Variants in GALNTL6 observed in about 807,000 individuals in gnomAD.
The protein encoded by GALNTL6 is polypeptide N-acetylgalactosaminyltransferase-like 6.
A neutral mutation model predicts 73.7 loss-of-function variants in GALNTL6; 46 were observed. The observed-to-expected ratio is 0.62, with a 90% confidence interval of 0.49 to 0.80. GALNTL6 has a LOEUF of 0.80. Ranked by LOEUF, GALNTL6 falls within the 30% of genes least tolerant of loss-of-function variation. GALNTL6 has a pLI of 0.00. For synonymous variants in GALNTL6, 259 were observed against 263.7 expected, an observed-to-expected ratio of 0.98 and a Z score of 0.17; for missense variants, 604 against 755.0, an observed-to-expected ratio of 0.80 and a Z score of 2.34.
chr4:172,451,899 TGCTC>T (rs1368804083), intron 5 of GALNTL6, among the ~76,000 whole-genome samples: 2 of 152,122 alleles, frequency 1.3e-5, no homozygotes, highest in Non-Finnish European at 2.9e-5. Context: ...TAGTCCTAGC[TGCTC>T]GAGAGGCTGA....
intron 5 of GALNTL6, among the ~76,000 whole-genome samples, chr4:172,646,272 T>G (rs1400534144): frequency 6.6e-6 from 1 of 152,070 alleles, no homozygotes; most frequent in Non-Finnish European, 1.5e-5. Flanking sequence ...TGGCATTGTA[T>G]TAAATCTATA....
At chr4:172,833,650 C>A (rs1346883258) in intron 7 of GALNTL6, among the ~76,000 whole-genome samples, 2 of 152,212 alleles carry the variant, frequency 1.3e-5, no homozygotes, top group Non-Finnish European at 2.9e-5. Flanking sequence ...TTATCATTCT[C>A]TCCTGAAGTA....
intron 5 of GALNTL6, among the ~76,000 whole-genome samples, chr4:172,439,172 T>TCACACACACA (rs57281407): frequency 5.9e-4 from 86 of 145,728 alleles, no homozygotes; most frequent in African/African-American, 2.0e-3. Context: ...TCTCTCCCCT[T>TCACACACACA]CACACACACA....
At chr4:172,603,911 T>A (rs1357074361) in intron 5 of GALNTL6, among the ~76,000 whole-genome samples, 1 of 152,194 alleles carries the variant, frequency 6.6e-6, no homozygotes, top group Non-Finnish European at 1.5e-5. Context: ...TTGCACCAGC[T>A]AGTTTTTCTG....
intron 5 of GALNTL6, among the ~76,000 whole-genome samples, chr4:172,752,801 G>A (rs1197388628): frequency 6.6e-6 from 1 of 151,912 alleles, no homozygotes; most frequent in Admixed American, 6.6e-5. Context: ...GAAACTCTAT[G>A]AACTATGAAA....
chr4:172,563,092 A>G (rs951142705), intron 5 of GALNTL6, among the ~76,000 whole-genome samples: 14 of 152,220 alleles, frequency 9.2e-5, no homozygotes, highest in African/African-American at 2.4e-5. Context: ...AGGTTGCTCA[A>G]GTGTTTTAAT....
intron 2 of GALNTL6, among the ~76,000 whole-genome samples, chr4:171,959,133 G>A (rs1235640019): frequency 1.3e-5 from 2 of 152,104 alleles, no homozygotes; most frequent in Non-Finnish European, 2.9e-5. Context: ...ATAGTTGACG[G>A]CTTGTTACGT....
intron 5 of GALNTL6, among the ~76,000 whole-genome samples, chr4:172,525,371 G>A (rs769462382): frequency 9.9e-5 from 15 of 152,134 alleles, no homozygotes; most frequent in African/African-American, 2.6e-4. Flanking sequence ...TGCTTATATC[G>A]TCTTTATCTT....
rs941426742 is a variant in GALNTL6, at chr4:172,485,615, G to A, written c.553+136926G>A. ...TTAATTAATCAAATATTTATTATGT[G>A]CCTGCTGTGTCTGTGAAAATTAACC... On this transcript the variant is annotated intron_variant, in intron 5 of 12. Coordinates refer to ENST00000506823, the MANE Select transcript of GALNTL6 (RefSeq NM_001034845.3). Among the ~76,000 whole-genome samples, 5 of 152,044 alleles carry A rather than the reference G, an allele frequency of 3.3e-5. No homozygotes were observed. The East Asian group carries it at 7.7e-4, about 24-fold the overall frequency.
chr4:172,938,453 T>C (rs912182949), intron 9 of GALNTL6, among the ~76,000 whole-genome samples: 5 of 152,232 alleles, frequency 3.3e-5, no homozygotes, highest in African/African-American at 2.4e-5. Flanking sequence ...CGCCCTTGTT[T>C]ATGTCAGAAA....
chr4:172,679,204 G>A lies in GALNTL6; in HGVS notation c.554-130157G>A, dbSNP rs1361224632. ...AGGTGGGCAGATCGCCTGAGGCCAG[G>A]AGTTCAAAACCAGCCTGGCCAACAT... On this transcript the variant is annotated intron_variant, in intron 5 of 12. Transcript: ENST00000506823. Among the ~76,000 whole-genome samples, 7 of 152,174 alleles carry A rather than the reference G, an allele frequency of 4.6e-5. No homozygotes were observed. The East Asian group carries it at 1.3e-3, about 29-fold the overall frequency.
chr4:172,864,611 A>G (rs1327733847), intron 7 of GALNTL6, among the ~76,000 whole-genome samples: 4 of 152,192 alleles, frequency 2.6e-5, no homozygotes, highest in African/African-American at 7.2e-5. Context: ...CACTTATAAT[A>G]TACAGTCATC....
intron 2 of GALNTL6, among the ~76,000 whole-genome samples, chr4:171,975,132 T>C (rs1739681141): frequency 6.6e-6 from 1 of 152,212 alleles, no homozygotes; most frequent in South Asian, 2.1e-4. Context: ...AGCACTTTGC[T>C]AAGTATTGGG....
chr4:173,003,881 C>T (rs1249789276), intron 10 of GALNTL6, among the ~76,000 whole-genome samples: 1 of 152,190 alleles, frequency 6.6e-6, no homozygotes, highest in Non-Finnish European at 1.5e-5. Context: ...CTTCAGGTCT[C>T]ACTTAGCATT....
chr4:172,104,160 G>A (rs1020833071), intron 2 of GALNTL6, among the ~76,000 whole-genome samples: 10 of 152,042 alleles, frequency 6.6e-5, no homozygotes, highest in Non-Finnish European at 4.4e-5. Context: ...TACCAGGATT[G>A]TCTCGGTCTC....
chr4:173,004,419 G>A (rs994707891), intron 10 of GALNTL6, among the ~76,000 whole-genome samples: 1 of 152,138 alleles, frequency 6.6e-6, no homozygotes, highest in Non-Finnish European at 1.5e-5. Context: ...CTGAGGTCAG[G>A]AGTTCAAGAC....
chr4:171,968,906 G>A (rs1391431291), intron 2 of GALNTL6, among the ~76,000 whole-genome samples: 3 of 150,764 alleles, frequency 2.0e-5, no homozygotes, highest in South Asian at 2.1e-4. Flanking sequence ...GTGTGATCTC[G>A]GCTCACTGCA....
At chr4:172,900,798 G>A (rs1746589655) in intron 8 of GALNTL6, among the ~76,000 whole-genome samples, 1 of 152,028 alleles carries the variant, frequency 6.6e-6, no homozygotes, top group Non-Finnish European at 1.5e-5. Context: ...TTCCTATTAA[G>A]CAAGAGATAC....
chr4:172,622,596 C>A (rs1035007776), intron 5 of GALNTL6, among the ~76,000 whole-genome samples: 3 of 152,142 alleles, frequency 2.0e-5, no homozygotes, highest in Non-Finnish European at 2.9e-5. Flanking sequence ...TCCACAGACA[C>A]TTTTCCAGAA....
Sources: gnomAD v4.1 joint callset for allele counts (sites outside exome capture counted in the v4.1 genomes callset) on GRCh38, gnomAD v4.1.1 for gene constraint, MANE v1.5 for transcripts, NCBI Gene and HGNC (gene_info 2026-07-23, HGNC 2026-07-21) for gene names.